Variants in CCDC38 observed in about 807,000 individuals in gnomAD.
The protein encoded by CCDC38 is coiled-coil domain containing 38.
CCDC38 carries 69 observed loss-of-function variants against 72.8 expected under a neutral mutation model. That is an observed-to-expected ratio of 0.95 (90% CI 0.78 to 1.16). CCDC38 has a LOEUF of 1.16. Among genes scored for constraint, CCDC38 ranks in the 50% most tolerant of loss-of-function variants. The pLI is 0.00. For missense variants in CCDC38, 626 were observed against 638.9 expected, an observed-to-expected ratio of 0.98 and a Z score of 0.22; for synonymous variants, 201 against 213.2, an observed-to-expected ratio of 0.94 and a Z score of 0.50.
At chr12:95,928,836 C>A (rs2080302828) in intron 2 of CCDC38, among the ~76,000 whole-genome samples, 1 of 152,170 alleles carries the variant, frequency 6.6e-6, no homozygotes, top group African/African-American at 2.4e-5. Flanking sequence ...GGGGTGACTC[C>A]CAGTTAGGCT....
intron 4 of CCDC38, among the ~76,000 whole-genome samples, chr12:95,913,838 GC>G (rs1212307642): frequency 1.3e-5 from 2 of 151,942 alleles, no homozygotes; most frequent in Non-Finnish European, 2.9e-5. Flanking sequence ...AAGAAAGCAA[GC>G]TTTGGAATCA....
At chr12:95,919,559 C>T (rs553889423) in intron 2 of CCDC38, 6 of 456,106 alleles carry the variant, frequency 1.3e-5, no homozygotes, top group South Asian at 7.7e-5. Context: ...CTTGCCTCCA[C>T]ATCTCCTGGG....
chr12:95,920,853 G>T lies in CCDC38; in HGVS notation c.38-1877C>A, dbSNP rs148650205. Among the ~76,000 whole-genome samples, 59 of 152,138 alleles carry T rather than the reference G, an allele frequency of 3.9e-4. 1 individual carries two copies. The highest frequency in any genetic ancestry group is 6.8e-3 in the Middle Eastern group (2 of 294). ...CCATTAAAAAAGCAAAAGAGGGCCG[G>T]GCGCAGTGGTCACACGTATAATCCC... On this transcript the variant is annotated intron_variant, in intron 2 of 15. Coordinates refer to ENST00000344280, the MANE Select transcript of CCDC38 (RefSeq NM_182496.3).
intron 5 of CCDC38, among the ~76,000 whole-genome samples, chr12:95,904,585 T>G (rs938943063): frequency 8.5e-5 from 13 of 152,340 alleles, no homozygotes; most frequent in African/African-American, 1.9e-4. Context: ...GGAGGTGTTA[T>G]CCTCCCTGCA....
intron 2 of CCDC38, chr12:95,935,504 G>A (rs140011328): frequency 1.9e-4 from 57 of 303,672 alleles, no homozygotes; most frequent in African/African-American, 1.2e-3. Context: ...ACCTCCATAT[G>A]GAATGCTTGT....
At chr12:95,871,995 C>T (rs1393754053) in intron 14 of CCDC38, among the ~76,000 whole-genome samples, 3 of 152,128 alleles carry the variant, frequency 2.0e-5, no homozygotes, top group Non-Finnish European at 4.4e-5. Context: ...AGGTCAGTTG[C>T]CCCTGGTGAA....
Position 95,938,791 on chromosome 12 carries a change from G to T in CCDC38, c.-14-2268C>A, listed in dbSNP as rs187913122. Among the ~76,000 whole-genome samples the T allele has an allele frequency of 3.9e-5, 6 of 152,284 alleles. 1 individual carries two copies. Among genetic ancestry groups the T allele is most frequent in the African/African-American group, 1.2e-4 (5 of 41,568 alleles). ...GTTGAAGTCAGTGGATGTCTTTGTT[G>T]TGCGAAATAAAAATAGCATGATGGC... On this transcript the variant is annotated intron_variant, in intron 1 of 15. Transcript: ENST00000344280.
intron 14 of CCDC38, among the ~76,000 whole-genome samples, chr12:95,870,990 G>C (rs537511550): frequency 6.6e-6 from 1 of 152,150 alleles, no homozygotes; most frequent in Non-Finnish European, 1.5e-5. Flanking sequence ...TGCTTATGTT[G>C]CCTAAGGTCA....
chr12:95,922,221 A>G (rs2080217074), intron 2 of CCDC38, among the ~76,000 whole-genome samples: 2 of 152,350 alleles, frequency 1.3e-5, no homozygotes, highest in East Asian at 1.9e-4. Context: ...TACTCTGATC[A>G]TCTCCTATTC....
chr12:95,914,181 C>T (rs112853428), intron 4 of CCDC38, among the ~76,000 whole-genome samples: 5,996 of 152,088 alleles, frequency 0.039, 258 homozygotes, highest in African/African-American at 0.1. Flanking sequence ...AAAAATTAGC[C>T]AGGTATAGTG....
At chr12:95,912,426 T>C (rs962279057) in intron 4 of CCDC38, among the ~76,000 whole-genome samples, 2 of 151,066 alleles carry the variant, frequency 1.3e-5, no homozygotes, top group Non-Finnish European at 1.5e-5. Flanking sequence ...CTCATAGAAG[T>C]AGAGAGTAGA....
intron 2 of CCDC38, 143 bp from the exon 3 acceptor site, chr12:95,919,119 G>A (rs183604324): frequency 1.5e-5 from 9 of 598,668 alleles, no homozygotes; most frequent in African/African-American, 3.7e-5. Context: ...AACTTTGGCC[G>A]AATTAAATTT....
intron 10 of CCDC38, chr12:95,885,399 T>A (rs1381643847): frequency 5.9e-6 from 1 of 168,902 alleles, no homozygotes; most frequent in Non-Finnish European, 1.3e-5. Context: ...GGCCCTTTGA[T>A]AACAACTCAG....
At chr12:95,917,524 A>G (rs986848870) in intron 3 of CCDC38, among the ~76,000 whole-genome samples, 1 of 152,192 alleles carries the variant, frequency 6.6e-6, no homozygotes, top group Non-Finnish European at 1.5e-5. Context: ...AGACTGGAAA[A>G]TGTCCTCTCA....
chr12:95,873,581 T>C (rs528482971), intron 13 of CCDC38, among the ~76,000 whole-genome samples: 1 of 152,352 alleles, frequency 6.6e-6, no homozygotes, highest in African/African-American at 2.4e-5. Context: ...TGTCATCCTC[T>C]GTCTCCATTG....
At chr12:95,914,784 T>C (rs926463696) in intron 4 of CCDC38, among the ~76,000 whole-genome samples, 1 of 152,042 alleles carries the variant, frequency 6.6e-6, no homozygotes, top group Non-Finnish European at 1.5e-5. Context: ...TCACACCCTA[T>C]ACCCTACACA....
chr12:95,914,938 A>C (rs1332474621), intron 4 of CCDC38, among the ~76,000 whole-genome samples: 3 of 152,154 alleles, frequency 2.0e-5, no homozygotes, highest in Non-Finnish European at 4.4e-5. Context: ...ATTTGATTAG[A>C]TTCAGGTTCA....
chr12:95,904,727 C>T (rs890409843), intron 5 of CCDC38, among the ~76,000 whole-genome samples: 1 of 152,178 alleles, frequency 6.6e-6, no homozygotes, highest in Non-Finnish European at 1.5e-5. Flanking sequence ...GATCTGTCTC[C>T]AGTCTCCAGA....
At chr12:95,911,759 T>C (rs991544960) in intron 4 of CCDC38, among the ~76,000 whole-genome samples, 1 of 152,212 alleles carries the variant, frequency 6.6e-6, no homozygotes, top group African/African-American at 2.4e-5. Context: ...TTATACATTG[T>C]TGATGGGAAT....
Sources: allele counts gnomAD v4.1 joint callset (sites outside exome capture counted in the v4.1 genomes callset), GRCh38; gene constraint gnomAD v4.1.1; transcripts MANE v1.5; gene names NCBI Gene and HGNC (gene_info 2026-07-23, HGNC 2026-07-21).